The following RHD variants were observed in gnomAD, a reference collection of about 807,000 sequenced individuals.
RHD encodes blood group Rh(D) polypeptide.
In RHD, 16 loss-of-function variants were observed where a neutral mutation model predicts 45.5. The ratio of observed to expected loss-of-function variants is 0.35; its 90% CI spans 0.24 to 0.53. RHD has a LOEUF of 0.53. Among genes scored for constraint, RHD ranks in the 20% least tolerant of loss-of-function variants. The pLI, the probability that RHD is intolerant of heterozygous loss-of-function variation, is 0.92. For synonymous variants in RHD, 131 were observed against 217.5 expected (o/e 0.60, Z 3.50); for missense variants, 306 against 532.0 (o/e 0.58, Z 4.18).
At chr1:25,290,490 C>T in intron 2 of RHD, 151 bp from the exon 3 acceptor site, 1 of 725,938 alleles carries the variant, frequency 1.4e-6, no homozygotes, top group South Asian at 1.7e-5. Flanking sequence ...CATCAGCGCC[C>T]AGGTGGGTAG....
rs1402648117 is a variant in RHD at position 25,285,153 on chromosome 1, A to G, written c.335+394A>G. Among the ~76,000 whole-genome samples, 2 of 116,044 alleles carry G rather than the reference A, an allele frequency of 1.7e-5. 1 individual carries two copies. The highest frequency in any genetic ancestry group is 3.8e-5 in the Non-Finnish European group (2 of 52,910). 76.1% of individuals were successfully genotyped at this position (116,044 alleles called of 152,430 possible). ...CATTCTATTTTTTTTTTTTTTTTTG[A>G]GACGGAGTTTCACTTTTGTTGCCCA... On this transcript the variant is annotated intron_variant, in intron 2 of 9. Coordinates refer to ENST00000328664, the MANE Select transcript of RHD (RefSeq NM_016124.6).
intron 1 of RHD, among the ~76,000 whole-genome samples, chr1:25,273,296 T>C (rs1640649286): frequency 8.5e-6 from 1 of 117,834 alleles, no homozygotes; most frequent in Admixed American, 8.3e-5. Flanking sequence ...CCACCATGCC[T>C]GGCTAATTTT....
At chr1:25,283,960 C>T (rs582506) in intron 1 of RHD, among the ~76,000 whole-genome samples, 4,477 of 131,148 alleles carry the variant, frequency 0.034, 813 homozygotes, top group African/African-American at 0.12. Context: ...GGTCTGAGAC[C>T]GGGAAAGGTG....
chr1:25,311,807 C>T (rs1463027349), intron 7 of RHD, among the ~76,000 whole-genome samples: 1 of 131,154 alleles, frequency 7.6e-6, no homozygotes, highest in East Asian at 1.9e-4. Context: ...AGGTAAAAGT[C>T]ATAAACCTTG....
chr1:25,307,106 C>G lies in RHD; in HGVS notation c.1073+377C>G, dbSNP rs1229683570. Among the ~76,000 whole-genome samples, 4 of 132,670 alleles carry G rather than the reference C, an allele frequency of 3.0e-5. 1 individual carries two copies. Among genetic ancestry groups the G allele is most frequent in the African/African-American group, 1.0e-4 (4 of 38,548 alleles). The allele number at this position is 132,670 out of a possible 152,430, so 87.0% of individuals were successfully genotyped here. A position where few individuals can be genotyped will look rare whatever the true frequency, so the allele number is the denominator to read the frequency against. ...GTACTAGCTGGGCATGTGGCTTAAC[C>G]TTTCTCAGCCTCAGTCGCCCCATTG... is the stretch of plus-strand genomic sequence containing the variant. On this transcript the variant is annotated intron_variant, in intron 7 of 9. Coordinates refer to ENST00000328664, the MANE Select transcript of RHD (RefSeq NM_016124.6).
Position 25,284,721 on chromosome 1 carries a change from C to T in RHD, c.297C>T (p.Ser99=), listed in dbSNP as rs1641810929. 4 of 1,388,646 alleles carry T rather than the reference C, an allele frequency of 2.9e-6. No individual in the cohort carries two copies. Among genetic ancestry groups the T allele is most frequent in the Admixed American group, 1.8e-5 (1 of 56,592 alleles). 86.0% of individuals were successfully genotyped at this position (1,388,646 alleles called of 1,614,324 possible). Residue 99 remains serine, a synonymous_variant, in exon 2 of 10, where the codon AGC becomes AGT. Transcript: ENST00000328664. ...CAATCCTGCTGGACGGCTTCCTGAG[C>T]CAGTTCCCTTCTGGGAAGGTGGTCA... ...QWAILLDGFL[S]QFPSGKVVIT...
rs1368662782 is a variant in RHD at position 25,272,598 on chromosome 1, C to T, written c.51C>T (p.Ala17=). Residue 17 remains alanine (A), a synonymous_variant, in exon 1 of 10, where the codon GCC becomes GCT. Transcript: ENST00000328664. ...TCCGGCGCTGCCTGCCCCTCTGGGC[C>T]CTAACACTGGAAGCAGCTCTCATTC... The part of the protein sequence containing the change: ...RSVRRCLPLW[A]LTLEAALILL... The T allele has an allele frequency of 1.9e-6, 3 of 1,582,938 alleles. No individual in the cohort carries two copies. The highest frequency in any genetic ancestry group is 2.6e-6 in the Non-Finnish European group (3 of 1,157,758).
In RHD at chr1:25,306,523, G is replaced by C. The variant is rs1359342809; in HGVS notation, c.940-73G>C. ...CCCCTTTGGTGGCCCCGGATACCAAGGGTGTGTGAAAGGGGTGGGTAGGGA... is the reference window on the plus strand; with the variant it reads ...CCCCTTTGGTGGCCCCGGATACCAACGGTGTGTGAAAGGGGTGGGTAGGGA... On this transcript the variant is annotated intron_variant, in intron 6 of 9. Coordinates refer to ENST00000328664, the MANE Select transcript of RHD (RefSeq NM_016124.6). 1.2e-5 allele frequency: 16 copies of C among 1,298,180 alleles called. 4 individuals carry two copies. The highest frequency in any genetic ancestry group is 2.3e-5 in the East Asian group (1 of 44,248). The allele number at this position is 1,298,180 out of a possible 1,614,324, so 80.4% of individuals were successfully genotyped here.
chr1:25,291,015 G>C (rs1397939050), intron 3 of RHD, among the ~76,000 whole-genome samples: 1 of 131,516 alleles, frequency 7.6e-6, no homozygotes, highest in Non-Finnish European at 1.8e-5. Context: ...CAGTTGTGGT[G>C]GCATGCACCT....
At chr1:25,287,340 G>A (rs1160018281) in intron 2 of RHD, among the ~76,000 whole-genome samples, 1 of 135,056 alleles carries the variant, frequency 7.4e-6, no homozygotes, top group East Asian at 1.9e-4. Context: ...GGACCTGTTT[G>A]TTCTTGACTC....
intron 1 of RHD, among the ~76,000 whole-genome samples, chr1:25,279,202 G>A (rs1265479725): frequency 8.0e-6 from 1 of 125,734 alleles, no homozygotes; most frequent in East Asian, 2.0e-4. Context: ...CTTGCCTAAA[G>A]TCACACCGCT....
rs781297552 is a variant in RHD at position 25,315,039 on chromosome 1, C to T, written c.1074-1961C>T. Among the ~76,000 whole-genome samples, 3 of 129,194 alleles carry T rather than the reference C, an allele frequency of 2.3e-5. No homozygotes were observed. The East Asian group carries it at 5.9e-4, about 25-fold the overall frequency. The allele number at this position is 129,194 out of a possible 152,430, so 84.8% of individuals were successfully genotyped here. A position where few individuals can be genotyped will look rare whatever the true frequency, so the allele number is the denominator to read the frequency against. The stretch of plus-strand genomic sequence containing the variant: ...CCAACATGGTGAAGCCCTGTGCCTA[C>T]TAAAAATACAAAAAATTAGCTGGGC... On this transcript the variant is annotated intron_variant, in intron 7 of 9. Transcript: ENST00000328664.
chr1:25,296,534 C>T (rs551324245), intron 3 of RHD, among the ~76,000 whole-genome samples: 1 of 127,884 alleles, frequency 7.8e-6, no homozygotes, highest in African/African-American at 2.7e-5. Context: ...CGTGGGCCAC[C>T]ATAACCGGCC....
At chr1:25,275,246 C>A (rs544029067) in intron 1 of RHD, among the ~76,000 whole-genome samples, 1 of 132,234 alleles carries the variant, frequency 7.6e-6, no homozygotes, top group East Asian at 2.0e-4. Context: ...TGAGAACATG[C>A]CACTGCACTC....
At chr1:25,286,241 T>G (rs1641979526) in intron 2 of RHD, among the ~76,000 whole-genome samples, 1 of 135,436 alleles carries the variant, frequency 7.4e-6, no homozygotes, top group African/African-American at 2.5e-5. Flanking sequence ...GTAATCCCAG[T>G]ACTTTTGGGA....
At chr1:25,284,817 A>G in intron 2 of RHD, 58 bp downstream of exon 2, 1 of 1,329,492 alleles carries the variant, frequency 7.5e-7, no homozygotes, top group African/African-American at 1.4e-5. Flanking sequence ...CCCCGAAAGG[A>G]CAGGTTCCAG....
At chr1:25,304,496 G>A (rs1643640093) in intron 6 of RHD, 1 of 129,680 alleles carries the variant, frequency 7.7e-6, no homozygotes, top group African/African-American at 2.7e-5. Flanking sequence ...GACTCAGGAG[G>A]CTGAGACACG....
chr1:25,324,636 A>G (rs1296322230), intron 9 of RHD, among the ~76,000 whole-genome samples: 690 of 148,196 alleles, frequency 4.7e-3, no homozygotes, highest in African/African-American at 0.017. Context: ...TTAGCCAACC[A>G]CAAGGGAATG....
Position 25,306,613 on chromosome 1 carries a change from G to A in RHD, c.957G>A (p.Val319=), listed in dbSNP as rs146292192. ...AKYLPGCCNR[V]LGIPHSSIMG... ...GTCCACAGGGGTGTTGTAACCGAGT[G>A]CTGGGGATTCCCCACAGCTCCATCA... The change falls in exon 7 of 10, where the codon GTG becomes GTA. Residue 319 remains valine, a synonymous_variant. Coordinates refer to ENST00000328664, the MANE Select transcript of RHD (RefSeq NM_016124.6). 4.9e-4 allele frequency: 670 copies of A among 1,378,352 alleles called. 120 individuals are homozygous for A. In the African/African-American group the frequency reaches 7.6e-3, roughly 16 times the overall value. The allele number at this position is 1,378,352 out of a possible 1,614,324, so 85.4% of individuals were successfully genotyped here.
Sources: allele counts gnomAD v4.1 joint callset (sites outside exome capture counted in the v4.1 genomes callset), GRCh38; gene constraint gnomAD v4.1.1; transcripts MANE v1.5; gene names NCBI Gene and HGNC (gene_info 2026-07-23, HGNC 2026-07-21).